IGBP1C: variants seen among roughly 807,000 people sequenced by gnomAD.
The protein encoded by IGBP1C is immunoglobulin-binding protein 1 family member C.
the IGBP1C span, among the ~76,000 whole-genome samples, chr17:58,677,114 C>T: frequency 3.0e-5 from 4 of 133,754 alleles, no homozygotes; most frequent in Non-Finnish European, 3.2e-5. Flanking sequence ...AGGGAAACTC[C>T]GTCTCAAAAA....
the IGBP1C span, among the ~76,000 whole-genome samples, chr17:58,663,335 T>C: frequency 6.8e-6 from 1 of 147,390 alleles, no homozygotes; most frequent in African/African-American, 2.5e-5. Flanking sequence ...GGCAGGAGAA[T>C]TGCTTGAACG....
the IGBP1C span, chr17:58,661,525 C>T: frequency 6.2e-5 from 48 of 778,304 alleles, no homozygotes; most frequent in Non-Finnish European, 1.1e-4. Context: ...CGACTTCGTC[C>T]AGAAGCTGTT....
chr17:58,691,277 A>T, the IGBP1C span, among the ~76,000 whole-genome samples: 1 of 152,168 alleles, frequency 6.6e-6, no homozygotes, highest in Non-Finnish European at 1.5e-5. Context: ...TGCTCAACAT[A>T]CGTTGTTTCC....
the IGBP1C span, among the ~76,000 whole-genome samples, chr17:58,666,350 A>G: frequency 6.6e-6 from 1 of 151,878 alleles, no homozygotes; most frequent in African/African-American, 2.4e-5. Context: ...TGTGTCCCAA[A>G]AAAATAAATA....
the IGBP1C span, among the ~76,000 whole-genome samples, chr17:58,684,336 C>T: frequency 6.6e-6 from 1 of 151,740 alleles, no homozygotes; most frequent in Non-Finnish European, 1.5e-5. Context: ...GTGGTGGGTG[C>T]CTGTAATCCC....
chr17:58,673,996 G>A, the IGBP1C span, among the ~76,000 whole-genome samples: 17 of 152,120 alleles, frequency 1.1e-4, no homozygotes, highest in Non-Finnish European at 1.9e-4. Flanking sequence ...ACCCTGGGCC[G>A]GGTGCGGTGT....
At chr17:58,665,103 T>TG in the IGBP1C span, among the ~76,000 whole-genome samples, 3 of 152,174 alleles carry the variant, frequency 2.0e-5, no homozygotes, top group Admixed American at 1.3e-4. Flanking sequence ...GAATATGATG[T>TG]GGGCAACATT....
At chr17:58,681,833 ACT>A in the IGBP1C span, among the ~76,000 whole-genome samples, 3 of 151,984 alleles carry the variant, frequency 2.0e-5, no homozygotes, top group Admixed American at 1.3e-4. Context: ...ACAGCAGGAA[ACT>A]CTTGTCTCAA....
the IGBP1C span, among the ~76,000 whole-genome samples, chr17:58,671,765 C>A: frequency 3.3e-5 from 5 of 152,138 alleles, no homozygotes; most frequent in Non-Finnish European, 4.4e-5. Context: ...TATTTTCTCA[C>A]CATTTTACAT....
the IGBP1C span, among the ~76,000 whole-genome samples, chr17:58,675,967 C>T: frequency 3.7e-4 from 56 of 152,112 alleles, 1 homozygote; most frequent in South Asian, 1.0e-2. Flanking sequence ...GGCCAGGTGC[C>T]GTGGCTCACA....
the IGBP1C span, chr17:58,666,451 T>C: frequency 1.7e-5 from 1 of 60,500 alleles, no homozygotes; most frequent in Admixed American, 2.2e-4. Context: ...AAACAAACCT[T>C]CCACGGCAAA....
At chr17:58,688,722 G>A in the IGBP1C span, among the ~76,000 whole-genome samples, 1 of 152,078 alleles carries the variant, frequency 6.6e-6, no homozygotes, top group Non-Finnish European at 1.5e-5. Flanking sequence ...TGACTCCGCA[G>A]CCCATGCTGG....
chr17:58,683,981 C>T, the IGBP1C span, among the ~76,000 whole-genome samples: 1 of 152,064 alleles, frequency 6.6e-6, no homozygotes, highest in Non-Finnish European at 1.5e-5. Context: ...AGAAGAACTG[C>T]TTGAACCCGA....
chr17:58,673,439 C>T, the IGBP1C span, among the ~76,000 whole-genome samples: 11 of 150,388 alleles, frequency 7.3e-5, no homozygotes, highest in East Asian at 4.0e-4. Context: ...GCCGAGATCA[C>T]GCCACTGCAC....
At chr17:58,670,356 A>G in the IGBP1C span, among the ~76,000 whole-genome samples, 1 of 152,046 alleles carries the variant, frequency 6.6e-6, no homozygotes, top group Admixed American at 6.6e-5. Flanking sequence ...GTGTGTGTGT[A>G]ATGATTAGAA....
chr17:58,679,451 CAGG>C, the IGBP1C span: 1 of 152,064 alleles, frequency 6.6e-6, no homozygotes. Flanking sequence ...TATTCCAAAA[CAGG>C]AGGTTACAAT....
chr17:58,670,672 C>T, the IGBP1C span, among the ~76,000 whole-genome samples: 3 of 143,682 alleles, frequency 2.1e-5, no homozygotes, highest in East Asian at 6.5e-4. Flanking sequence ...ACTTGAGAGG[C>T]TGAGGCAGGA....
the IGBP1C span, among the ~76,000 whole-genome samples, chr17:58,688,122 G>A: frequency 6.6e-6 from 1 of 151,840 alleles, no homozygotes; most frequent in Non-Finnish European, 1.5e-5. Context: ...GACTTTTTTT[G>A]TTTTGTTTTG....
chr17:58,691,992 A>T, the IGBP1C span: 1 of 153,432 alleles, frequency 6.5e-6, no homozygotes, highest in Non-Finnish European at 1.4e-5. Context: ...CGGTCTCAGT[A>T]ACCTCCATGC....
Sources: allele counts gnomAD v4.1 joint callset (sites outside exome capture counted in the v4.1 genomes callset), GRCh38; gene constraint gnomAD v4.1.1; transcripts MANE v1.5; gene names NCBI Gene and HGNC (gene_info 2026-07-23, HGNC 2026-07-21).